MACROD2: variants seen among roughly 807,000 people sequenced by gnomAD.
The protein encoded by MACROD2 is ADP-ribose glycohydrolase MACROD2.
MACROD2 carries 36 observed loss-of-function variants against 70.4 expected under a neutral mutation model. The ratio of observed to expected loss-of-function variants is 0.51; its 90% CI spans 0.39 to 0.68. The LOEUF is 0.68. MACROD2 is among the 30% of genes least tolerant of loss of function. MACROD2 has a pLI of 0.00. For missense variants in MACROD2, 496 were observed against 538.4 expected (o/e 0.92, Z 0.78); for synonymous variants, 172 against 178.8 (o/e 0.96, Z 0.30).
chr20:14,200,276 A>T (rs1223479049), intron 3 of MACROD2, among the ~76,000 whole-genome samples: 2 of 152,172 alleles, frequency 1.3e-5, no homozygotes, highest in African/African-American at 4.8e-5. Context: ...CTAACACAGG[A>T]ACAGAAAACC....
intron 5 of MACROD2, among the ~76,000 whole-genome samples, chr20:14,818,592 G>C (rs1382169415): frequency 6.6e-6 from 1 of 151,954 alleles, no homozygotes. Flanking sequence ...TAGGGAGTCT[G>C]CCTGCCAAAA....
rs139783580 is a variant in MACROD2, at chr20:15,484,867, G to A, written c.572-14907G>A. ...TTTCTACTCCAGTACTCGTTCCTGCGGAGGCTTCTGCTAAGGGATTTCTGC... is the reference window on the plus strand; with the variant it reads ...TTTCTACTCCAGTACTCGTTCCTGCAGAGGCTTCTGCTAAGGGATTTCTGC... On this transcript the variant is annotated intron_variant, in intron 7 of 17. Transcript: ENST00000684519. Among the ~76,000 whole-genome samples, 431 of 152,166 alleles carry A rather than the reference G, an allele frequency of 2.8e-3. 3 individuals carry two copies. Among genetic ancestry groups the A allele is most frequent in the African/African-American group, 1.0e-2 (414 of 41,506 alleles).
At chr20:15,908,228 G>C (rs1190574833) in intron 10 of MACROD2, among the ~76,000 whole-genome samples, 1 of 152,120 alleles carries the variant, frequency 6.6e-6, no homozygotes, top group Non-Finnish European at 1.5e-5. Context: ...ATTGGAGAAT[G>C]GGGGGAAAAG....
intron 5 of MACROD2, among the ~76,000 whole-genome samples, chr20:14,710,779 A>T (rs2071329261): frequency 6.6e-6 from 1 of 152,132 alleles, no homozygotes; most frequent in African/African-American, 2.4e-5. Flanking sequence ...ATTAATTCTT[A>T]CTGCCAGTAT....
rs1270593454 is a variant in MACROD2, at chr20:15,146,047, T to A, written c.419-83893T>A. On this transcript the variant is annotated intron_variant, in intron 5 of 17. Coordinates refer to ENST00000684519, the MANE Select transcript of MACROD2 (RefSeq NM_001351661.2). Reference sequence around the variant, plus strand: ...TTTATGATTTAAAACATTTAAAATTTATTTGTTACATTTATTCCCAATCTT... The same window carrying A: ...TTTATGATTTAAAACATTTAAAATTAATTTGTTACATTTATTCCCAATCTT... Among the ~76,000 whole-genome samples, 3 of 152,264 alleles carry A rather than the reference T, an allele frequency of 2.0e-5. No individual in the cohort carries two copies. The East Asian group carries it at 5.8e-4, about 29-fold the overall frequency.
At position 15,000,629 on chromosome 20, in the gene MACROD2, CAAAAAAAAAAAAAAAA is replaced by C. The variant is rs398040701; in HGVS notation, c.419-229294_419-229279del. On this transcript the variant is annotated intron_variant, in intron 5 of 17. Coordinates refer to ENST00000684519, the MANE Select transcript of MACROD2 (RefSeq NM_001351661.2). Reference sequence around the variant, plus strand: ...TGGGCGACAGAGCGAGACTCCGTCTCAAAAAAAAAAAAAAAAAAAAAAAAAAAAAAAAGAGGTAGAA... The same window carrying C: ...TGGGCGACAGAGCGAGACTCCGTCTCAAAAAAAAAAAAAAAAGAGGTAGAA... Among the ~76,000 whole-genome samples, 49 of 21,982 alleles carry C rather than the reference CAAAAAAAAAAAAAAAA, an allele frequency of 2.2e-3. 5 individuals carry two copies. Among genetic ancestry groups the C allele is most frequent in the African/African-American group, 0.011 (45 of 4,160 alleles). The allele number at this position is 21,982 out of a possible 152,430, so 14.4% of individuals were successfully genotyped here. A position where few individuals can be genotyped will look rare whatever the true frequency, so the allele number is the denominator to read the frequency against.
intron 3 of MACROD2, among the ~76,000 whole-genome samples, chr20:14,334,293 G>A (rs2082897087): frequency 6.6e-6 from 1 of 152,148 alleles, no homozygotes; most frequent in Non-Finnish European, 1.5e-5. Flanking sequence ...TTTGAAACTG[G>A]AAAATACTTT....
chr20:15,496,613 G>GT (rs1395957730), intron 7 of MACROD2, among the ~76,000 whole-genome samples: 2 of 152,142 alleles, frequency 1.3e-5, no homozygotes, highest in African/African-American at 4.8e-5. Context: ...GTATTTATTC[G>GT]TTTTTTATAG....
At chr20:15,095,529 G>GT (rs1056530052) in intron 5 of MACROD2, among the ~76,000 whole-genome samples, 2 of 151,188 alleles carry the variant, frequency 1.3e-5, no homozygotes, top group African/African-American at 4.9e-5. Context: ...GTTTTGTTTT[G>GT]TTTTTTGAGA....
At chr20:14,983,529 C>T (rs2074820948) in intron 5 of MACROD2, among the ~76,000 whole-genome samples, 1 of 152,030 alleles carries the variant, frequency 6.6e-6, no homozygotes, top group Non-Finnish European at 1.5e-5. Context: ...CTATGCTGTT[C>T]TCGTGATAGG....
chr20:15,252,870 G>A (rs2077167835), intron 6 of MACROD2, among the ~76,000 whole-genome samples: 1 of 152,154 alleles, frequency 6.6e-6, no homozygotes. Flanking sequence ...TACAGAGCCA[G>A]CTGCTCACCA....
At chr20:14,020,155 T>TAG (rs2053054767) in intron 2 of MACROD2, among the ~76,000 whole-genome samples, 1 of 152,164 alleles carries the variant, frequency 6.6e-6, no homozygotes, top group African/African-American at 2.4e-5. Flanking sequence ...ATCTGGGATG[T>TAG]AGATTGCAGT....
intron 3 of MACROD2, among the ~76,000 whole-genome samples, chr20:14,296,973 T>C (rs1272969932): frequency 1.3e-5 from 2 of 151,896 alleles, no homozygotes; most frequent in African/African-American, 2.4e-5. Flanking sequence ...TCTGTCACAT[T>C]TTGGTAATTC....
At chr20:14,023,636 A>C (rs1466134756) in intron 2 of MACROD2, among the ~76,000 whole-genome samples, 1 of 152,216 alleles carries the variant, frequency 6.6e-6, no homozygotes, top group African/African-American at 2.4e-5. Flanking sequence ...CAGTTTTCCC[A>C]ACACTGTTTA....
intron 7 of MACROD2, among the ~76,000 whole-genome samples, chr20:15,469,966 C>G (rs2046943370): frequency 6.6e-6 from 1 of 152,176 alleles, no homozygotes; most frequent in Non-Finnish European, 1.5e-5. Context: ...TTGAAAACAA[C>G]TTAGTTGTCA....
intron 8 of MACROD2, among the ~76,000 whole-genome samples, chr20:15,652,487 TAAAG>T (rs1343319334): frequency 6.6e-6 from 1 of 152,198 alleles, no homozygotes; most frequent in East Asian, 1.9e-4. Flanking sequence ...GAAAAGAGAA[TAAAG>T]AAAGTGTTCT....
At chr20:14,716,962 A>G (rs2071403715) in intron 5 of MACROD2, among the ~76,000 whole-genome samples, 1 of 152,134 alleles carries the variant, frequency 6.6e-6, no homozygotes, top group South Asian at 2.1e-4. Flanking sequence ...ATGTCCTTAA[A>G]TTATGTTTAA....
chr20:15,038,328 A>G (rs1266897616), intron 5 of MACROD2, among the ~76,000 whole-genome samples: 1 of 152,222 alleles, frequency 6.6e-6, no homozygotes, highest in African/African-American at 2.4e-5. Context: ...CAAGAAAAGA[A>G]TATGGAGTAA....
At chr20:14,995,344 G>T (rs570140395) in intron 5 of MACROD2, among the ~76,000 whole-genome samples, 3 of 151,974 alleles carry the variant, frequency 2.0e-5, no homozygotes, top group East Asian at 3.9e-4. Context: ...AAAATTAGAC[G>T]TAAGATGAAT....
Sources: gnomAD v4.1 joint callset for allele counts (sites outside exome capture counted in the v4.1 genomes callset) on GRCh38, gnomAD v4.1.1 for gene constraint, MANE v1.5 for transcripts, NCBI Gene and HGNC (gene_info 2026-07-23, HGNC 2026-07-21) for gene names.